The following CDK14 variants were observed in gnomAD, a reference collection of about 807,000 sequenced individuals.
CDK14 encodes cyclin dependent kinase 14.
A neutral mutation model predicts 60.7 loss-of-function variants in CDK14; 34 were observed. That is an observed-to-expected ratio of 0.56 (90% CI 0.43 to 0.75). CDK14 has a LOEUF of 0.75. Among genes scored for constraint, CDK14 ranks in the 30% least tolerant of loss-of-function variants. The pLI, the probability that CDK14 is intolerant of heterozygous loss-of-function variation, is 0.00. For missense variants in CDK14, 482 were observed against 564.1 expected (o/e 0.85, Z 1.47); for synonymous variants, 197 against 203.7 (o/e 0.97, Z 0.28).
intron 2 of CDK14, among the ~76,000 whole-genome samples, chr7:90,654,658 A>G (rs895949025): frequency 1.3e-5 from 2 of 152,174 alleles, no homozygotes; most frequent in Admixed American, 6.6e-5. Context: ...AAAAAAATTA[A>G]TAGGCTTTTT....
chr7:90,772,910 C>G (rs1227099350), intron 4 of CDK14, among the ~76,000 whole-genome samples: 1 of 151,844 alleles, frequency 6.6e-6, no homozygotes, highest in Non-Finnish European at 1.5e-5. Flanking sequence ...TGAAAAAAAC[C>G]TAGGAAATAG....
intron 14 of CDK14, among the ~76,000 whole-genome samples, chr7:91,125,179 C>T (rs1305079600): frequency 1.3e-5 from 2 of 152,140 alleles, no homozygotes; most frequent in Non-Finnish European, 2.9e-5. Context: ...ATACTCGTCA[C>T]TCCTTCTGCG....
chr7:90,602,841 G>A lies in CDK14; in HGVS notation c.92-1377G>A, dbSNP rs535961206. The stretch of plus-strand genomic sequence containing the variant: ...GGAAAAATAAGAAACTTTTAGAAAC[G>A]TTTTATTTCCCTCAGCCTACCTGCA... On this transcript the variant is annotated intron_variant, in intron 1 of 14. Transcript: ENST00000380050. Among the ~76,000 whole-genome samples the A allele has an allele frequency of 1.5e-3, 235 of 152,226 alleles. 2 individuals are homozygous for A. Among genetic ancestry groups the A allele is most frequent in the Non-Finnish European group, 1.5e-3 (104 of 68,012 alleles).
chr7:90,630,220 G>C (rs2116399054), intron 2 of CDK14, among the ~76,000 whole-genome samples: 1 of 152,312 alleles, frequency 6.6e-6, no homozygotes, highest in African/African-American at 2.4e-5. Context: ...CACATTCTGA[G>C]AAATGTGTCA....
At chr7:90,886,767 C>T (rs1791957975) in intron 6 of CDK14, among the ~76,000 whole-genome samples, 3 of 152,022 alleles carry the variant, frequency 2.0e-5, no homozygotes. Context: ...ATATCAGGGT[C>T]CTGAGAAAGT....
intron 6 of CDK14, among the ~76,000 whole-genome samples, chr7:90,884,974 A>G (rs766287557): frequency 2.6e-5 from 4 of 152,218 alleles, no homozygotes; most frequent in African/African-American, 9.6e-5. Flanking sequence ...ACCCAAAATC[A>G]TAAAAACCCT....
At chr7:90,608,584 T>A (rs1584738470) in intron 2 of CDK14, 1 of 979,322 alleles carries the variant, frequency 1.0e-6, no homozygotes, top group African/African-American at 1.7e-5. Flanking sequence ...TGGTGAGAAA[T>A]ACAAAATTTT....
At chr7:91,198,425 C>T (rs1389514851) in intron 14 of CDK14, among the ~76,000 whole-genome samples, 7 of 152,114 alleles carry the variant, frequency 4.6e-5, no homozygotes, top group Non-Finnish European at 1.0e-4. Context: ...GCAAAATGCT[C>T]AAGGATCCAG....
At position 90,854,369 on chromosome 7, in the gene CDK14, AAAC is replaced by A. The variant is rs961960585; in HGVS notation, c.545-8788_545-8786del. Among the ~76,000 whole-genome samples, 544 of 152,040 alleles carry A rather than the reference AAAC, an allele frequency of 3.6e-3. 3 individuals carry two copies. Among genetic ancestry groups the A allele is most frequent in the African/African-American group, 0.013 (531 of 41,472 alleles). ...TCTCTACAAATAACTAGAAACAAAC[AAAC>A]AACAACAACAACAACAAAACATTAG... is the stretch of plus-strand genomic sequence containing the variant. On this transcript the variant is annotated intron_variant, in intron 5 of 14. Transcript: ENST00000380050.
intron 10 of CDK14, among the ~76,000 whole-genome samples, chr7:91,035,891 C>T (rs1428573043): frequency 7.7e-6 from 1 of 130,094 alleles, no homozygotes; most frequent in African/African-American, 2.9e-5. Flanking sequence ...GGCCGGACTG[C>T]GGACTGCAGT....
chr7:91,142,243 T>C (rs1800489444), intron 14 of CDK14, among the ~76,000 whole-genome samples: 1 of 152,208 alleles, frequency 6.6e-6, no homozygotes, highest in African/African-American at 2.4e-5. Flanking sequence ...AAAGGAAGAT[T>C]AGACCACTTT....
intron 3 of CDK14, among the ~76,000 whole-genome samples, chr7:90,728,677 T>G (rs1802731856): frequency 6.6e-6 from 1 of 152,138 alleles, no homozygotes; most frequent in Non-Finnish European, 1.5e-5. Context: ...TTTGTTTTGG[T>G]CTCTGCCTTA....
At chr7:90,657,696 A>T (rs2116494256) in intron 2 of CDK14, among the ~76,000 whole-genome samples, 1 of 152,330 alleles carries the variant, frequency 6.6e-6, no homozygotes, top group African/African-American at 2.4e-5. Context: ...AGCACAGCTC[A>T]AGTGAGTCAT....
chr7:91,065,663 T>G (rs1028229754), intron 11 of CDK14, among the ~76,000 whole-genome samples: 5 of 152,222 alleles, frequency 3.3e-5, no homozygotes, highest in Non-Finnish European at 7.3e-5. Flanking sequence ...AAAATTCTTG[T>G]GAATACTTGT....
chr7:91,181,844 C>G (rs563749686), intron 14 of CDK14, among the ~76,000 whole-genome samples: 36 of 152,208 alleles, frequency 2.4e-4, no homozygotes, highest in African/African-American at 8.4e-4. Flanking sequence ...CCAGACTCAT[C>G]TAATGTTTTT....
chr7:90,600,474 T>C (rs1799292162), intron 1 of CDK14, among the ~76,000 whole-genome samples: 1 of 152,222 alleles, frequency 6.6e-6, no homozygotes, highest in Non-Finnish European at 1.5e-5. Flanking sequence ...AGGAAGTTTA[T>C]ACTCTGCGAT....
chr7:91,175,484 A>G (rs1429293343), intron 14 of CDK14, among the ~76,000 whole-genome samples: 3 of 152,208 alleles, frequency 2.0e-5, no homozygotes, highest in Non-Finnish European at 4.4e-5. Context: ...TAAATGGACT[A>G]AATGCTCCAA....
intron 5 of CDK14, among the ~76,000 whole-genome samples, chr7:90,805,350 A>G (rs749257330): frequency 3.3e-5 from 5 of 152,190 alleles, no homozygotes; most frequent in South Asian, 4.1e-4. Flanking sequence ...TATTATTCCA[A>G]TAGATGTAAA....
At chr7:90,691,712 G>A (rs1801557155) in intron 2 of CDK14, among the ~76,000 whole-genome samples, 1 of 152,124 alleles carries the variant, frequency 6.6e-6, no homozygotes, top group African/African-American at 2.4e-5. Flanking sequence ...CCAGTGAGAG[G>A]CACCTACAAT....
Sources: allele counts gnomAD v4.1 joint callset (sites outside exome capture counted in the v4.1 genomes callset), GRCh38; gene constraint gnomAD v4.1.1; transcripts MANE v1.5; gene names NCBI Gene and HGNC (gene_info 2026-07-23, HGNC 2026-07-21).